The following SLC15A1 variants were observed in gnomAD, a reference collection of about 807,000 sequenced individuals.
SLC15A1 encodes solute carrier family 15 member 1, also known as Caco-2 oligopeptide transporter.
A neutral mutation model predicts 92.9 loss-of-function variants in SLC15A1; 83 were observed. That is an observed-to-expected ratio of 0.89 (90% confidence interval 0.75 to 1.07). SLC15A1 has a LOEUF of 1.07. SLC15A1 is among the 50% of genes least tolerant of loss of function. SLC15A1 has a pLI of 0.00. For synonymous variants in SLC15A1, 322 were observed against 318.2 expected, an observed-to-expected ratio of 1.01 and a Z score of -0.13; for missense variants, 857 against 880.1, an observed-to-expected ratio of 0.97 and a Z score of 0.33.
At chr13:98,726,805 A>C (rs762237420) in intron 2 of SLC15A1, 38 bp downstream of exon 2, 7 of 1,599,616 alleles carry the variant, frequency 4.4e-6, no homozygotes, top group Non-Finnish European at 6.0e-6. Context: ...TAAAATTTAC[A>C]AGATGAAGAT....
At chr13:98,711,682 TTTTG>T (rs368913909) in intron 11 of SLC15A1, among the ~76,000 whole-genome samples, 168 bp downstream of exon 11, 174 of 152,254 alleles carry the variant, frequency 1.1e-3, no homozygotes, top group African/African-American at 4.1e-3. Context: ...TTTTGTTTTG[TTTTG>T]TTTTTTACAA....
At chr13:98,730,276 GAA>G (rs2088339105) in intron 1 of SLC15A1, among the ~76,000 whole-genome samples, 1 of 56,788 alleles carries the variant, frequency 1.8e-5, no homozygotes, top group African/African-American at 7.1e-5. Context: ...AAGGGGAGGG[GAA>G]GGGGAGGGGA....
chr13:98,720,539 A>C (rs1251675699), intron 7 of SLC15A1: 4 of 153,202 alleles, frequency 2.6e-5, no homozygotes, highest in Non-Finnish European at 5.8e-5. Context: ...TCCCCCTGAA[A>C]TCTTTATTTC....
intron 18 of SLC15A1, among the ~76,000 whole-genome samples, chr13:98,691,170 A>G (rs1362140471): frequency 6.6e-6 from 1 of 151,946 alleles, no homozygotes; most frequent in East Asian, 1.9e-4. Flanking sequence ...CAGACTCCCA[A>G]ATAGCTGGGA....
chr13:98,689,085 A>G (rs2087955441), intron 18 of SLC15A1, among the ~76,000 whole-genome samples: 1 of 152,156 alleles, frequency 6.6e-6, no homozygotes, highest in Admixed American at 6.5e-5. Context: ...GACTACAGGC[A>G]TGCACCACCA....
Position 98,684,839 on chromosome 13 carries a change from G to T in SLC15A1, c.2012C>A (p.Thr671Asn). The T allele has an allele frequency of 6.2e-7, 1 of 1,614,112 alleles. No individual in the cohort carries two copies. The highest frequency in any genetic ancestry group is 8.5e-7 in the Non-Finnish European group (1 of 1,180,020). The change falls in exon 23 of 23, where the codon ACT (threonine) becomes AAT (asparagine). Residue 671 changes from threonine to asparagine, a missense_variant. By Grantham distance (65) the Thr-to-Asn change is moderately conservative. Transcript: ENST00000376503. ...VIFAIMARFY[T>N]YINPAEIEAQ... ...TTCGATCTCCGCTGGGTTGATGTAA[G>T]TATAGAACCGAGCCATGATGGCAAA... is the stretch of plus-strand genomic sequence containing the variant.
intron 1 of SLC15A1, among the ~76,000 whole-genome samples, chr13:98,742,096 T>C (rs2088452702): frequency 6.6e-6 from 1 of 152,224 alleles, no homozygotes; most frequent in African/African-American, 2.4e-5. Context: ...AGCAGACGCC[T>C]GGTGGTCCTC....
At chr13:98,711,712 C>T in intron 11 of SLC15A1, 142 bp downstream of exon 11, 2 of 603,808 alleles carry the variant, frequency 3.3e-6, no homozygotes, top group East Asian at 5.8e-5. Flanking sequence ...TCAATGTGAT[C>T]TAACAATTAA....
rs932143107 is a variant in SLC15A1, at chr13:98,692,831, G to A, written c.1467-4254C>T. ...CACCAACATGGCTTATTGCAGCCTC[G>A]ACCTCCCGGGGCTCAGGTGATCCTC... is the stretch of plus-strand genomic sequence containing the variant. On this transcript the variant is annotated intron_variant, in intron 18 of 22. Transcript: ENST00000376503. 4.6e-5 allele frequency among the ~76,000 whole-genome samples: 7 copies of A among 151,966 alleles called. No homozygotes were observed. In the East Asian group the frequency reaches 5.8e-4, roughly 13 times the overall value.
At chr13:98,708,395 C>T (rs1331587890) in intron 15 of SLC15A1, among the ~76,000 whole-genome samples, 2 of 152,164 alleles carry the variant, frequency 1.3e-5, no homozygotes, top group African/African-American at 4.8e-5. Flanking sequence ...TTCTTTTAAC[C>T]AGATTCCCTG....
At chr13:98,686,952 T>C (rs941653869) in intron 21 of SLC15A1, among the ~76,000 whole-genome samples, 24 of 147,334 alleles carry the variant, frequency 1.6e-4, no homozygotes, top group African/African-American at 2.2e-4. Flanking sequence ...TTTTCTTCTT[T>C]TTTTTTTTTT....
chr13:98,721,354 T>G (rs1182026461), intron 7 of SLC15A1, 141 bp downstream of exon 7: 1 of 724,320 alleles, frequency 1.4e-6, no homozygotes. Flanking sequence ...AAGCACTTAC[T>G]CCAGATTCCA....
intron 1 of SLC15A1, among the ~76,000 whole-genome samples, chr13:98,728,995 A>AC (rs1281010670): frequency 2.0e-5 from 3 of 146,838 alleles, no homozygotes; most frequent in East Asian, 4.0e-4. Context: ...AAAAAAAAAA[A>AC]AAAAAAAAAA....
rs754737175 is a variant in SLC15A1, at chr13:98,726,454, C to CA, written c.22-6dup. The CA allele has an allele frequency of 4.3e-6, 7 of 1,612,998 alleles. No individual in the cohort carries two copies. Among genetic ancestry groups the CA allele is most frequent in the East Asian group, 2.2e-5 (1 of 44,850 alleles). On this transcript the variant is annotated splice_region_variant and splice_polypyrimidine_tract_variant and intron_variant, in intron 2 of 22. Transcript: ENST00000376503. ...CAGGGGATAACCAAAGAAACTCTGA[C>CA]AAAAAAGAAACAAGCACAGGATTGA...
intron 1 of SLC15A1, among the ~76,000 whole-genome samples, chr13:98,730,891 C>T (rs1299325548): frequency 6.6e-6 from 1 of 152,200 alleles, no homozygotes; most frequent in East Asian, 1.9e-4. Flanking sequence ...TGTCCCGGGT[C>T]TCGACCTAGC....
intron 1 of SLC15A1, among the ~76,000 whole-genome samples, chr13:98,743,961 C>T (rs542241128): frequency 1.4e-4 from 22 of 152,192 alleles, no homozygotes; most frequent in Middle Eastern, 6.8e-3. Context: ...GCAACAGAAA[C>T]GGTGGCCCTA....
At chr13:98,706,572 T>C (rs1029033393) in intron 15 of SLC15A1, among the ~76,000 whole-genome samples, 2 of 152,246 alleles carry the variant, frequency 1.3e-5, no homozygotes, top group Non-Finnish European at 2.9e-5. Context: ...TCCCCCGTAC[T>C]GTTCTTGTGG....
chr13:98,752,320 C>T (rs1395872963), intron 1 of SLC15A1, among the ~76,000 whole-genome samples: 1 of 152,206 alleles, frequency 6.6e-6, no homozygotes, highest in African/African-American at 2.4e-5. Context: ...GGTGGGAATA[C>T]GAGGATTACA....
At position 98,712,489 on chromosome 13, in the gene SLC15A1, G is replaced by A. The variant is rs759084104; in HGVS notation, c.810+9C>T. On this transcript the variant is annotated intron_variant, in intron 10 of 22. Coordinates refer to ENST00000376503, the MANE Select transcript of SLC15A1 (RefSeq NM_005073.4). ...AATCAGGGTCATTGTAGCAATGACC[G>A]TTACTTACATCGTATTTCTCTTTAG... is the stretch of plus-strand genomic sequence containing the variant. The A allele has an allele frequency of 1.3e-5, 20 of 1,598,600 alleles. No individual in the cohort carries two copies. Among genetic ancestry groups the A allele is most frequent in the Non-Finnish European group, 1.5e-5 (17 of 1,167,350 alleles).
Sources: allele counts gnomAD v4.1 joint callset (sites outside exome capture counted in the v4.1 genomes callset), GRCh38; gene constraint gnomAD v4.1.1; transcripts MANE v1.5; gene names NCBI Gene and HGNC (gene_info 2026-07-23, HGNC 2026-07-21).